Variants in DNAAF9 observed in about 807,000 individuals in gnomAD.
DNAAF9 encodes the protein shulin.
In DNAAF9, 90 loss-of-function variants were observed where a neutral mutation model predicts 167.0. The ratio of observed to expected loss-of-function variants is 0.54; its 90% confidence interval spans 0.45 to 0.64. The LOEUF is 0.64. Ranked by LOEUF, DNAAF9 falls within the 30% of genes least tolerant of loss-of-function variation. The pLI is 0.00. For missense variants in DNAAF9, 1,315 were observed against 1,442.2 expected, an observed-to-expected ratio of 0.91 and a Z score of 1.43; for synonymous variants, 491 against 508.8, an observed-to-expected ratio of 0.96 and a Z score of 0.47.
chr20:3,393,699 A>G (rs868251014), intron 1 of DNAAF9, among the ~76,000 whole-genome samples: 55 of 152,214 alleles, frequency 3.6e-4, no homozygotes, highest in African/African-American at 1.2e-3. Context: ...AAGTTTCTAC[A>G]AGGAAGAGAT....
intron 7 of DNAAF9, among the ~76,000 whole-genome samples, chr20:3,359,282 C>T (rs567119071): frequency 2.0e-5 from 3 of 152,268 alleles, no homozygotes; most frequent in South Asian, 2.1e-4. Context: ...AGGCAGGAGG[C>T]CCTGGTTTTG....
At position 3,250,952 on chromosome 20, in the gene DNAAF9, C is replaced by T. The variant is rs1298482146; in HGVS notation, c.*1620G>A. ...TTACTGATTCTGAAGCGAGGCAAGC[C>T]CTTGACGGACCGCAGCCTCTGGCCA... On this transcript the variant is annotated 3_prime_UTR_variant, in exon 37 of 37. Coordinates refer to ENST00000252032, the MANE Select transcript of DNAAF9 (RefSeq NM_001009984.3). 6.6e-6 allele frequency: 1 copy of T among 152,158 alleles called. No homozygotes were observed. Among genetic ancestry groups the T allele is most frequent in the Non-Finnish European group, 1.5e-5 (1 of 68,036 alleles). 9.4% of individuals were successfully genotyped at this position (152,158 alleles called of 1,614,324 possible). A position where few individuals can be genotyped will look rare whatever the true frequency, so the allele number is the denominator to read the frequency against.
chr20:3,338,187 T>C (rs1421250924), intron 10 of DNAAF9, among the ~76,000 whole-genome samples: 1 of 152,026 alleles, frequency 6.6e-6, no homozygotes, highest in Admixed American at 6.6e-5. Flanking sequence ...TTTGAGAAAG[T>C]ATTTCTCTTT....
intron 16 of DNAAF9, among the ~76,000 whole-genome samples, chr20:3,319,416 TA>T (rs1051759307): frequency 3.3e-5 from 5 of 151,356 alleles, no homozygotes; most frequent in African/African-American, 1.2e-4. Flanking sequence ...ATTTATTAGG[TA>T]AAAACTAGTG....
chr20:3,310,263 GAA>G lies in DNAAF9; in HGVS notation c.1678+4768_1678+4769del, dbSNP rs199849106. Among the ~76,000 whole-genome samples, 1,148 of 139,732 alleles carry G rather than the reference GAA, an allele frequency of 8.2e-3. 12 individuals are homozygous for G. The highest frequency in any genetic ancestry group is 0.029 in the African/African-American group (1,099 of 37,810). The allele number at this position is 139,732 out of a possible 152,430, so 91.7% of individuals were successfully genotyped here. ...AGAGAGAAACAGAGAGAGAGAGAGA[GAA>G]AGAAAGAGAAAGAAAGGAAAGAAAG... On this transcript the variant is annotated intron_variant, in intron 20 of 36. Transcript: ENST00000252032.
At chr20:3,328,800 A>T (rs972548286) in intron 12 of DNAAF9, among the ~76,000 whole-genome samples, 3 of 152,030 alleles carry the variant, frequency 2.0e-5, no homozygotes, top group Admixed American at 2.0e-4. Flanking sequence ...TACTTTTTTT[A>T]AAAGCCCAGA....
At chr20:3,319,464 AAG>A (rs2069576276) in intron 16 of DNAAF9, among the ~76,000 whole-genome samples, 1 of 152,110 alleles carries the variant, frequency 6.6e-6, no homozygotes, top group South Asian at 2.1e-4. Flanking sequence ...CAGCAGAAGA[AAG>A]AGAAAATGAT....
chr20:3,405,973 T>C (rs1276859392), intron 1 of DNAAF9, among the ~76,000 whole-genome samples: 1 of 152,174 alleles, frequency 6.6e-6, no homozygotes, highest in Non-Finnish European at 1.5e-5. Flanking sequence ...CTATAAGCAG[T>C]TAAACTTGGA....
chr20:3,303,617 A>G (rs1399603208), intron 21 of DNAAF9, among the ~76,000 whole-genome samples: 1 of 152,206 alleles, frequency 6.6e-6, no homozygotes, highest in East Asian at 1.9e-4. Context: ...TTAAGGCTGC[A>G]GGCTCTATAT....
intron 27 of DNAAF9, among the ~76,000 whole-genome samples, chr20:3,284,257 A>T (rs2068813195): frequency 6.7e-6 from 1 of 148,252 alleles, no homozygotes; most frequent in Admixed American, 7.0e-5. Flanking sequence ...CACAGCTCAC[A>T]GTAAACTCTG....
At chr20:3,340,694 C>T in intron 9 of DNAAF9, 55 bp from the exon 10 acceptor site, 1 of 1,544,988 alleles carries the variant, frequency 6.5e-7, no homozygotes, top group Non-Finnish European at 8.9e-7. Context: ...GCCAAGGCAA[C>T]CTTCCATGAC....
At chr20:3,303,918 G>A (rs2069239647) in intron 21 of DNAAF9, among the ~76,000 whole-genome samples, 1 of 152,234 alleles carries the variant, frequency 6.6e-6, no homozygotes, top group South Asian at 2.1e-4. Flanking sequence ...TATGGAGCTG[G>A]AGAGGAAGTC....
At chr20:3,257,612 C>T (rs915270222) in intron 33 of DNAAF9, among the ~76,000 whole-genome samples, 2 of 151,820 alleles carry the variant, frequency 1.3e-5, no homozygotes, top group Admixed American at 6.6e-5. Flanking sequence ...GGCACAATCT[C>T]GGCTCACTGC....
chr20:3,287,819 G>C (rs1248757832), intron 26 of DNAAF9, 29 bp from the exon 27 acceptor site: 2 of 1,607,954 alleles, frequency 1.2e-6, no homozygotes, highest in East Asian at 4.5e-5. Context: ...ACCTCTGCAT[G>C]GGGGCCACCT....
At position 3,327,844 on chromosome 20, in the gene DNAAF9, C is replaced by T. The variant is rs541902785; in HGVS notation, c.1101-1560G>A. 1.2e-4 allele frequency among the ~76,000 whole-genome samples: 19 copies of T among 152,188 alleles called. 1 individual carries two copies. Among genetic ancestry groups the T allele is most frequent in the Non-Finnish European group, 2.8e-4 (19 of 68,038 alleles). On this transcript the variant is annotated intron_variant, in intron 12 of 36. Coordinates refer to ENST00000252032, the MANE Select transcript of DNAAF9 (RefSeq NM_001009984.3). ...CCACATGCAGGACATGACATGTCAG[C>T]TCCAAGTATCAACATATCCTGAAGA...
intron 20 of DNAAF9, among the ~76,000 whole-genome samples, chr20:3,306,472 T>C (rs1161164162): frequency 1.3e-5 from 2 of 152,194 alleles, no homozygotes; most frequent in Non-Finnish European, 2.9e-5. Flanking sequence ...TGTCATACAT[T>C]ATAGTTTTCT....
intron 7 of DNAAF9, among the ~76,000 whole-genome samples, chr20:3,354,007 T>A (rs1216374893): frequency 6.6e-6 from 1 of 152,196 alleles, no homozygotes; most frequent in Non-Finnish European, 1.5e-5. Context: ...ATGACTCTTA[T>A]TAAAAATCAC....
intron 31 of DNAAF9, among the ~76,000 whole-genome samples, chr20:3,263,802 T>A (rs1017690577): frequency 6.6e-6 from 1 of 152,250 alleles, no homozygotes; most frequent in African/African-American, 2.4e-5. Flanking sequence ...AAAGACTGAA[T>A]TATAAATTTT....
chr20:3,302,499 G>T (rs2069208040), intron 21 of DNAAF9, among the ~76,000 whole-genome samples: 1 of 151,996 alleles, frequency 6.6e-6, no homozygotes, highest in Admixed American at 6.6e-5. Context: ...TGTATTCATC[G>T]ATCTACCCCT....
Sources: allele counts gnomAD v4.1 joint callset (sites outside exome capture counted in the v4.1 genomes callset), GRCh38; gene constraint gnomAD v4.1.1; transcripts MANE v1.5; gene names NCBI Gene and HGNC (gene_info 2026-07-23, HGNC 2026-07-21).